Variants in FERMT2 observed in about 807,000 individuals in gnomAD.
FERMT2 encodes fermitin family homolog 2.
Under a neutral mutation model 82.7 loss-of-function variants are expected in FERMT2, and 15 were observed. The observed-to-expected ratio is 0.18, with a 90% CI of 0.12 to 0.28. The LOEUF (loss-of-function observed/expected upper bound fraction) is 0.28. Ranked by LOEUF, FERMT2 falls within the 10% of genes least tolerant of loss-of-function variation. The pLI is 1.00. For synonymous variants in FERMT2, 274 were observed against 271.5 expected, an observed-to-expected ratio of 1.01 and a Z score of -0.09; for missense variants, 645 against 809.4, an observed-to-expected ratio of 0.80 and a Z score of 2.46.
intron 4 of FERMT2, among the ~76,000 whole-genome samples, chr14:52,891,228 C>T (rs1337760230): frequency 2.6e-5 from 4 of 152,092 alleles, no homozygotes; most frequent in Non-Finnish European, 5.9e-5. Context: ...ATTCTTTCTG[C>T]TTGGACTGCC....
At chr14:52,939,043 T>C (rs1277932571) in intron 2 of FERMT2, among the ~76,000 whole-genome samples, 3 of 151,594 alleles carry the variant, frequency 2.0e-5, no homozygotes, top group Non-Finnish European at 4.4e-5. Flanking sequence ...CCTAATATGG[T>C]AAAGAGTATG....
At chr14:52,919,443 A>G (rs1216392474) in intron 2 of FERMT2, 87 bp from the exon 3 acceptor site, 1 of 832,748 alleles carries the variant, frequency 1.2e-6, no homozygotes, top group Non-Finnish European at 1.8e-6. Flanking sequence ...ATAATTGGGT[A>G]TTTAACAGCA....
intron 2 of FERMT2, among the ~76,000 whole-genome samples, chr14:52,930,799 T>A (rs1232186632): frequency 6.6e-6 from 1 of 152,196 alleles, no homozygotes; most frequent in Admixed American, 6.5e-5. Context: ...GCCAATAATG[T>A]GTAAAGACAG....
chr14:52,924,393 G>A (rs1271868906), intron 2 of FERMT2, among the ~76,000 whole-genome samples: 1 of 147,956 alleles, frequency 6.8e-6, no homozygotes, highest in Non-Finnish European at 1.5e-5. Flanking sequence ...CCTAAACTAG[G>A]GCTATTTTGG....
intron 10 of FERMT2, among the ~76,000 whole-genome samples, chr14:52,866,324 C>G (rs886583577): frequency 6.6e-6 from 1 of 152,148 alleles, no homozygotes; most frequent in Non-Finnish European, 1.5e-5. Context: ...ACAGCCAATT[C>G]TGGTCACAAT....
chr14:52,859,818 TTC>T (rs1183691424), intron 13 of FERMT2, 104 bp from the exon 14 acceptor site: 4 of 624,952 alleles, frequency 6.4e-6, no homozygotes, highest in Non-Finnish European at 7.4e-6. Context: ...AAGAGTACTA[TTC>T]TTTTTTTTTT....
chr14:52,863,357 A>ATGTT (rs1265740268), intron 12 of FERMT2: 1 of 152,202 alleles, frequency 6.6e-6, no homozygotes, highest in Non-Finnish European at 1.5e-5. Context: ...CCTTTTTAGT[A>ATGTT]TGTTTTAAAA....
At chr14:52,889,501 A>C (rs1205390148) in intron 4 of FERMT2, among the ~76,000 whole-genome samples, 1 of 152,196 alleles carries the variant, frequency 6.6e-6, no homozygotes, top group Non-Finnish European at 1.5e-5. Flanking sequence ...CTTGGGCACA[A>C]GCTAGCCAAA....
rs747208640 is a variant in FERMT2 at position 52,857,431 on chromosome 14, C to G, written c.*946G>C. On this transcript the variant is annotated 3_prime_UTR_variant, in exon 15 of 15. Coordinates refer to ENST00000341590, the MANE Select transcript of FERMT2 (RefSeq NM_006832.3). ...CTAGCACCAATACAGATTGTAACAG[C>G]GCAACAGACTAGAACATGGCCAGTC... 1 of 152,530 alleles carries G rather than the reference C, an allele frequency of 6.6e-6. No homozygotes were observed. Among genetic ancestry groups the G allele is most frequent in the African/African-American group, 2.4e-5 (1 of 41,408 alleles). The allele number at this position is 152,530 out of a possible 1,614,324, so 9.4% of individuals were successfully genotyped here. A position where few individuals can be genotyped will look rare whatever the true frequency, so the allele number is the denominator to read the frequency against.
chr14:52,950,716 G>A (rs1236052489), intron 1 of FERMT2, 139 bp from the exon 2 acceptor site: 10 of 771,786 alleles, frequency 1.3e-5, no homozygotes, highest in Non-Finnish European at 2.0e-5. Flanking sequence ...GGAGGGCGGC[G>A]GCGGCCGGGG....
intron 2 of FERMT2, among the ~76,000 whole-genome samples, chr14:52,921,501 A>T (rs1888954635): frequency 6.6e-6 from 1 of 152,228 alleles, no homozygotes; most frequent in African/African-American, 2.4e-5. Flanking sequence ...AGAATTTGCC[A>T]ACTAACTTTT....
chr14:52,903,705 A>G (rs1040387590), intron 3 of FERMT2, among the ~76,000 whole-genome samples: 1 of 152,224 alleles, frequency 6.6e-6, no homozygotes, highest in Non-Finnish European at 1.5e-5. Flanking sequence ...AGAGAAATAT[A>G]GTATCTCAAA....
rs572258689 is a variant in FERMT2, at chr14:52,860,959, T to C, written c.1603-494A>G. 1.1e-4 allele frequency: 148 copies of C among 1,298,498 alleles called. No individual in the cohort carries two copies. The African/African-American group carries it at 2.1e-3, about 18-fold the overall frequency. 80.4% of individuals were successfully genotyped at this position (1,298,498 alleles called of 1,614,324 possible). A position where few individuals can be genotyped will look rare whatever the true frequency, so the allele number is the denominator to read the frequency against. ...GGGTAAATTCCATGAGGGAAGGTTGTGGCTATGAATTTTTATTTATTCTTT... is the reference window on the plus strand; with the variant it reads ...GGGTAAATTCCATGAGGGAAGGTTGCGGCTATGAATTTTTATTTATTCTTT... On this transcript the variant is annotated intron_variant, in intron 12 of 14. Transcript: ENST00000341590.
At chr14:52,907,886 GCT>G (rs1888107881) in intron 3 of FERMT2, among the ~76,000 whole-genome samples, 1 of 152,048 alleles carries the variant, frequency 6.6e-6, no homozygotes, top group Non-Finnish European at 1.5e-5. Context: ...GAAAACTTTT[GCT>G]CTTAGAAAAC....
At position 52,913,680 on chromosome 14, in the gene FERMT2, CAGTAGTAGTAGT is replaced by C. The variant is rs60319673; in HGVS notation, c.391+5431_391+5442del. On this transcript the variant is annotated intron_variant, in intron 3 of 14. Transcript: ENST00000341590. ...AAGTTCAATGCCATGCAGCCAAAAA[CAGTAGTAGTAGT>C]AGTAGTAGTAGTAGTAGTAGTAATG... Among the ~76,000 whole-genome samples the C allele has an allele frequency of 1.7e-4, 25 of 147,856 alleles. No homozygotes were observed. In the South Asian group the frequency reaches 5.1e-3, roughly 30 times the overall value.
At chr14:52,907,289 C>A (rs75897574) in intron 3 of FERMT2, among the ~76,000 whole-genome samples, 13,355 of 152,100 alleles carry the variant, frequency 0.088, 679 homozygotes, top group Middle Eastern at 0.15. Flanking sequence ...TACATGTAGG[C>A]ATGAACCACT....
chr14:52,919,773 T>C (rs1888846557), intron 2 of FERMT2, among the ~76,000 whole-genome samples: 1 of 152,162 alleles, frequency 6.6e-6, no homozygotes, highest in Non-Finnish European at 1.5e-5. Context: ...GTTTATGAAG[T>C]TGCAGAAATG....
intron 3 of FERMT2, among the ~76,000 whole-genome samples, chr14:52,898,518 A>G (rs1469084210): frequency 2.6e-5 from 4 of 152,190 alleles, no homozygotes; most frequent in Non-Finnish European, 5.9e-5. Context: ...CAACTGCATC[A>G]TTACTTCCTA....
chr14:52,921,415 A>G (rs1888950427), intron 2 of FERMT2, among the ~76,000 whole-genome samples: 1 of 152,220 alleles, frequency 6.6e-6, no homozygotes, highest in African/African-American at 2.4e-5. Flanking sequence ...GAATGCATGT[A>G]ACTGCTATTT....
Sources: allele counts gnomAD v4.1 joint callset (sites outside exome capture counted in the v4.1 genomes callset), GRCh38; gene constraint gnomAD v4.1.1; transcripts MANE v1.5; gene names NCBI Gene and HGNC (gene_info 2026-07-23, HGNC 2026-07-21).